The following IQCE variants were observed in gnomAD, a reference collection of about 807,000 sequenced individuals.
IQCE encodes the protein IQ motif containing E.
A neutral mutation model predicts 96.0 loss-of-function variants in IQCE; 115 were observed. The ratio of observed to expected loss-of-function variants is 1.20; its 90% CI spans 1.03 to 1.40. IQCE has a LOEUF of 1.40. Ranked by LOEUF, IQCE falls within the 40% of genes most tolerant of loss-of-function variation. The pLI, the probability that IQCE is intolerant of heterozygous loss-of-function variation, is 0.00. For missense variants in IQCE, 1,041 were observed against 909.1 expected, an observed-to-expected ratio of 1.15 and a Z score of -1.87; for synonymous variants, 412 against 371.2, an observed-to-expected ratio of 1.11 and a Z score of -1.26.
intron 11 of IQCE, among the ~76,000 whole-genome samples, chr7:2,585,020 A>AG (rs1782986896): frequency 6.6e-6 from 1 of 151,406 alleles, no homozygotes; most frequent in South Asian, 2.1e-4. Flanking sequence ...TGGGAGGTAC[A>AG]GGGCTCCTGC....
chr7:2,593,269 T>A, intron 15 of IQCE, 143 bp downstream of exon 15: 1 of 1,344,534 alleles, frequency 7.4e-7, no homozygotes, highest in African/African-American at 1.5e-5. Context: ...CATGGTTTTC[T>A]GTCACCCAGC....
rs1281097247 is a variant in IQCE, at chr7:2,611,733, C to T, written c.*1571C>T. ...CCACCCTGCGGTTCGAAGCCTGGCCCCTGTCTCCACTTAGCTTCTGTTTCT... is the reference window on the plus strand; with the variant it reads ...CCACCCTGCGGTTCGAAGCCTGGCCTCTGTCTCCACTTAGCTTCTGTTTCT... On this transcript the variant is annotated 3_prime_UTR_variant, in exon 22 of 22. Transcript: ENST00000402050. 6.6e-6 allele frequency: 1 copy of T among 152,276 alleles called. No individual in the cohort carries two copies. Among genetic ancestry groups the T allele is most frequent in the Non-Finnish European group, 1.5e-5 (1 of 68,074 alleles). 9.4% of individuals were successfully genotyped at this position (152,276 alleles called of 1,614,324 possible).
Position 2,605,953 on chromosome 7 carries a change from C to T in IQCE, c.1821C>T (p.Ile607=), listed in dbSNP as rs760928875. ...CTGTGCAGGAGGAGGCCATCGTCAT[C>T]ATCCAGTCCGCTCTGCGGGCACACC... ...GSPVQEEAIV[I]IQSALRAHLA... Residue 607 remains isoleucine (I), a synonymous_variant, in exon 20 of 22, where the codon ATC becomes ATT. Transcript: ENST00000402050. The T allele has an allele frequency of 1.2e-6, 2 of 1,611,312 alleles. No individual in the cohort carries two copies. Among genetic ancestry groups the T allele is most frequent in the Non-Finnish European group, 8.5e-7 (1 of 1,179,266 alleles).
At position 2,559,090 on chromosome 7, in the gene IQCE, CGA is replaced by C; in HGVS notation, c.-90_-89del. 3 of 765,568 alleles carry C rather than the reference CGA, an allele frequency of 3.9e-6. No homozygotes were observed. The highest frequency in any genetic ancestry group is 5.2e-6 in the Non-Finnish European group (3 of 572,778). The allele number at this position is 765,568 out of a possible 1,614,324, so 47.4% of individuals were successfully genotyped here. The stretch of plus-strand genomic sequence containing the variant: ...CGCGGGCCGGCGCCAGGGAAGGCCC[CGA>C]GGCTGCGGGCGGCCAGGGCTGCCCG... On this transcript the variant is annotated 5_prime_UTR_variant, in exon 1 of 22. The change abolishes the stop of an existing upstream ORF in the 5' untranslated region. Transcript: ENST00000402050.
In IQCE at chr7:2,561,484, G is replaced by T. The variant is rs12539725; in HGVS notation, c.36+2267G>T. ...TGCCCAGGCTGGAGTGCAGTGGCGC[G>T]ATCTCGGCTCACTGCAAGCTCCGCC... is the stretch of plus-strand genomic sequence containing the variant. On this transcript the variant is annotated intron_variant, in intron 1 of 21. Transcript: ENST00000402050. Among the ~76,000 whole-genome samples the T allele has an allele frequency of 2.0e-5, 3 of 148,580 alleles. No individual in the cohort carries two copies. In the East Asian group the frequency reaches 6.0e-4, roughly 30 times the overall value.
rs111996018 is a variant in IQCE, at chr7:2,590,924, G to A, written c.1244+818G>A. 3.5e-4 allele frequency among the ~76,000 whole-genome samples: 53 copies of A among 152,098 alleles called. 1 individual carries two copies. The highest frequency in any genetic ancestry group is 1.2e-3 in the African/African-American group (50 of 41,498). On this transcript the variant is annotated intron_variant, in intron 14 of 21. Coordinates refer to ENST00000402050, the MANE Select transcript of IQCE (RefSeq NM_152558.5). ...GGTCTTAATTCAGTAATATGTTTAT[G>A]GGGGATATGATCTATTAATACGTAG...
At chr7:2,599,974 A>G (rs1193587124) in intron 17 of IQCE, among the ~76,000 whole-genome samples, 1 of 151,556 alleles carries the variant, frequency 6.6e-6, no homozygotes, top group Non-Finnish European at 1.5e-5. Context: ...TTGTATTTTT[A>G]TTAGAGACAG....
intron 17 of IQCE, among the ~76,000 whole-genome samples, chr7:2,599,864 G>T (rs1004123846): frequency 6.6e-6 from 1 of 151,690 alleles, no homozygotes; most frequent in Non-Finnish European, 1.5e-5. Context: ...CGGGATCTCA[G>T]CTCACTGCAA....
At chr7:2,593,955 A>G (rs1783815410) in intron 15 of IQCE, among the ~76,000 whole-genome samples, 1 of 152,224 alleles carries the variant, frequency 6.6e-6, no homozygotes, top group Admixed American at 6.5e-5. Context: ...AGTAAGACAT[A>G]GACTACCGGA....
rs1784866582 is a variant in IQCE at position 2,606,837 on chromosome 7, CAG to C, written c.1866-286_1866-285del. On this transcript the variant is annotated intron_variant, in intron 20 of 21. Coordinates refer to ENST00000402050, the MANE Select transcript of IQCE (RefSeq NM_152558.5). Reference sequence around the variant, plus strand: ...CAGCTGGGCTGACCCAGACAGGAGACAGGGAACGGAGCCGTCTGAGGCCAGCT... The same window carrying C: ...CAGCTGGGCTGACCCAGACAGGAGACGGAACGGAGCCGTCTGAGGCCAGCT... 2.6e-5 allele frequency among the ~76,000 whole-genome samples: 4 copies of C among 152,268 alleles called. No homozygotes were observed. In the South Asian group the frequency reaches 6.2e-4, roughly 24 times the overall value.
intron 11 of IQCE, among the ~76,000 whole-genome samples, chr7:2,585,383 CAT>C (rs146737579): frequency 0.012 from 1,892 of 152,328 alleles, 40 homozygotes; most frequent in African/African-American, 0.038. Context: ...ACCTGGCTAA[CAT>C]GTGTCTCTGT....
intron 12 of IQCE, 57 bp from the exon 13 acceptor site, chr7:2,587,765 G>T: frequency 6.5e-7 from 1 of 1,533,716 alleles, no homozygotes; most frequent in Non-Finnish European, 9.0e-7. Context: ...TGAGAAGGGT[G>T]GCCCTGCTGG....
At position 2,568,935 on chromosome 7, in the gene IQCE, CA is replaced by C; in HGVS notation, c.85-18del. The C allele has an allele frequency of 6.2e-7, 1 of 1,610,272 alleles. No homozygotes were observed. Among genetic ancestry groups the C allele is most frequent in the Non-Finnish European group, 8.5e-7 (1 of 1,179,416 alleles). On this transcript the variant is annotated intron_variant, in intron 2 of 21. Transcript: ENST00000402050. Reference sequence around the variant, plus strand: ...TGTGGGAGCTCAGCAAGCCTTATGCCATTTCTTCTTTCTTTCAGAAAGCAAA... The same window carrying C: ...TGTGGGAGCTCAGCAAGCCTTATGCCTTTCTTCTTTCTTTCAGAAAGCAAA...
At chr7:2,582,498 C>T (rs762695973) in intron 8 of IQCE, 82 bp from the exon 9 acceptor site, 73 of 1,115,262 alleles carry the variant, frequency 6.5e-5, no homozygotes, top group Non-Finnish European at 9.5e-5. Context: ...TGAGGTGTGC[C>T]GGTGCTCTGG....
At chr7:2,600,051 C>T (rs990120263) in intron 17 of IQCE, among the ~76,000 whole-genome samples, 4 of 152,156 alleles carry the variant, frequency 2.6e-5, no homozygotes, top group Non-Finnish European at 5.9e-5. Flanking sequence ...GCCTTGGTCT[C>T]CCAAAGTGCT....
intron 18 of IQCE, among the ~76,000 whole-genome samples, chr7:2,602,169 C>T (rs1024421673): frequency 6.6e-6 from 1 of 152,086 alleles, no homozygotes; most frequent in East Asian, 1.9e-4. Context: ...AGGTGGGCCT[C>T]GCAGGATACA....
At chr7:2,590,914 A>G (rs1783533677) in intron 14 of IQCE, among the ~76,000 whole-genome samples, 1 of 152,116 alleles carries the variant, frequency 6.6e-6, no homozygotes, top group Non-Finnish European at 1.5e-5. Context: ...TAATTCAGTA[A>G]TATGTTTATG....
intron 13 of IQCE, among the ~76,000 whole-genome samples, chr7:2,588,885 C>G (rs1221845600): frequency 6.6e-6 from 1 of 151,380 alleles, no homozygotes; most frequent in Non-Finnish European, 1.5e-5. Context: ...AGACTGGTCT[C>G]GAACTCCTGA....
chr7:2,577,095 G>A (rs978148728), intron 6 of IQCE, among the ~76,000 whole-genome samples: 4 of 152,142 alleles, frequency 2.6e-5, no homozygotes, highest in Non-Finnish European at 5.9e-5. Flanking sequence ...GTGCCCTCAC[G>A]TGACATCCAG....
Sources: allele counts gnomAD v4.1 joint callset (sites outside exome capture counted in the v4.1 genomes callset), GRCh38; gene constraint gnomAD v4.1.1; transcripts MANE v1.5; gene names NCBI Gene and HGNC (gene_info 2026-07-23, HGNC 2026-07-21).